Variants in RIMS1 observed in about 807,000 individuals in gnomAD.
RIMS1 encodes regulating synaptic membrane exocytosis 1.
In RIMS1, 83 loss-of-function variants were observed where a neutral mutation model predicts 214.1. That is an observed-to-expected ratio of 0.39 (90% CI 0.32 to 0.47). The LOEUF (loss-of-function observed/expected upper bound fraction) is 0.47, where lower values mean the gene tolerates loss of function less well. Among genes scored for constraint, RIMS1 ranks in the 20% least tolerant of loss-of-function variants. RIMS1 has a pLI of 0.99. For missense variants in RIMS1, 2,050 were observed against 2,161.8 expected (o/e 0.95, Z 1.03); for synonymous variants, 793 against 786.8 (o/e 1.01, Z -0.13).
At chr6:71,913,848 G>A (rs1777605449) in intron 1 of RIMS1, among the ~76,000 whole-genome samples, 2 of 152,016 alleles carry the variant, frequency 1.3e-5, no homozygotes, top group South Asian at 4.1e-4. Context: ...ACACAGCTGG[G>A]GTTAGGGTAA....
At chr6:72,195,017 G>A (rs2050643061) in intron 6 of RIMS1, among the ~76,000 whole-genome samples, 1 of 151,982 alleles carries the variant, frequency 6.6e-6, no homozygotes, top group African/African-American at 2.4e-5. Context: ...ATTGAAAGAA[G>A]GTCTACTGAA....
chr6:72,124,883 C>G (rs2039182178), intron 4 of RIMS1, among the ~76,000 whole-genome samples: 1 of 152,132 alleles, frequency 6.6e-6, no homozygotes, highest in African/African-American at 2.4e-5. Flanking sequence ...TTCATCTAAT[C>G]TTTTTTCAAG....
intron 2 of RIMS1, among the ~76,000 whole-genome samples, chr6:72,083,943 T>C (rs1024279342): frequency 5.9e-5 from 9 of 152,180 alleles, no homozygotes; most frequent in Non-Finnish European, 1.2e-4. Context: ...AAGTGTCCAG[T>C]TGTATAATGT....
At chr6:71,906,396 TCTTA>T (rs1775258795) in intron 1 of RIMS1, among the ~76,000 whole-genome samples, 1 of 152,184 alleles carries the variant, frequency 6.6e-6, no homozygotes, top group Non-Finnish European at 1.5e-5. Context: ...TCCTTGTTAT[TCTTA>T]CTTTGACTCC....
chr6:72,357,567 T>C (rs868397040), intron 29 of RIMS1, among the ~76,000 whole-genome samples: 1 of 152,206 alleles, frequency 6.6e-6, no homozygotes, highest in African/African-American at 2.4e-5. Flanking sequence ...TTTGGCAATT[T>C]TCTTTTCACC....
intron 2 of RIMS1, among the ~76,000 whole-genome samples, chr6:71,993,497 A>G (rs906604762): frequency 7.2e-5 from 11 of 152,166 alleles, no homozygotes; most frequent in African/African-American, 2.7e-4. Flanking sequence ...TTGGCATCTT[A>G]AATTGGCCTA....
intron 28 of RIMS1, among the ~76,000 whole-genome samples, chr6:72,332,582 GC>G (rs1593945991): frequency 2.7e-5 from 4 of 148,200 alleles, no homozygotes; most frequent in African/African-American, 9.9e-5. Context: ...TATACCTAAT[GC>G]TAAATGATGA....
chr6:72,278,214 G>T (rs2087811662), intron 23 of RIMS1, among the ~76,000 whole-genome samples: 1 of 150,946 alleles, frequency 6.6e-6, no homozygotes, highest in Non-Finnish European at 1.5e-5. Flanking sequence ...ATTTTTAAGG[G>T]TACAATTTAG....
intron 2 of RIMS1, among the ~76,000 whole-genome samples, chr6:72,033,140 T>C (rs1406906705): frequency 6.6e-6 from 1 of 152,198 alleles, no homozygotes. Flanking sequence ...GATGTTGCAT[T>C]TTCCAGAATT....
chr6:72,205,214 T>A (rs928119859), intron 6 of RIMS1, among the ~76,000 whole-genome samples: 11 of 152,026 alleles, frequency 7.2e-5, no homozygotes, highest in East Asian at 1.9e-4. Context: ...AGAAAAAAAA[T>A]TATGCATGGA....
chr6:71,968,079 T>C (rs1794912935), intron 1 of RIMS1, among the ~76,000 whole-genome samples: 1 of 152,206 alleles, frequency 6.6e-6, no homozygotes, highest in Non-Finnish European at 1.5e-5. Flanking sequence ...CTAAGGGGCA[T>C]TCTGTTTAGC....
intron 2 of RIMS1, among the ~76,000 whole-genome samples, chr6:72,038,011 T>C (rs1286929061): frequency 6.8e-6 from 1 of 146,938 alleles, no homozygotes; most frequent in Admixed American, 6.9e-5. Flanking sequence ...CTTCAGTTAT[T>C]GATCTAACCT....
At chr6:71,974,800 G>A (rs1172208084) in intron 2 of RIMS1, among the ~76,000 whole-genome samples, 2 of 152,168 alleles carry the variant, frequency 1.3e-5, no homozygotes, top group Non-Finnish European at 2.9e-5. Context: ...ATCTCCAATT[G>A]CAACACTCAG....
chr6:72,104,738 T>C (rs1014732117), intron 4 of RIMS1, among the ~76,000 whole-genome samples: 4 of 152,194 alleles, frequency 2.6e-5, no homozygotes, highest in African/African-American at 9.6e-5. Context: ...TAACAGATGT[T>C]TCTACATTTG....
intron 21 of RIMS1, 125 bp from the exon 22 acceptor site, chr6:72,265,835 T>A: frequency 1.5e-6 from 1 of 668,642 alleles, no homozygotes. Context: ...ATGAACTGAA[T>A]CCCAGTGATT....
intron 29 of RIMS1, among the ~76,000 whole-genome samples, chr6:72,383,293 A>G (rs1381910169): frequency 3.3e-5 from 5 of 152,158 alleles, no homozygotes; most frequent in Non-Finnish European, 7.3e-5. Context: ...CTAGACTATG[A>G]AATGGTTGAT....
rs142196418 is a variant in RIMS1, at chr6:72,097,141, C to T, written c.438C>T (p.Arg146=). ...RTKFCARCGG[R]VSLRSNNEDK... ...AGTTCTGTGCGCGCTGCGGAGGCCG[C>T]GTGTCTCTACGGTCAAACAACGTGA... is the stretch of plus-strand genomic sequence containing the variant. Residue 146 remains arginine (R), a synonymous_variant, in exon 3 of 34, where the codon CGC becomes CGT. Coordinates refer to ENST00000521978, the MANE Select transcript of RIMS1 (RefSeq NM_014989.7). 4.3e-3 allele frequency: 6,943 copies of T among 1,613,808 alleles called. 41 individuals are homozygous for T. The highest frequency in any genetic ancestry group is 0.018 in the Middle Eastern group (107 of 5,972).
At chr6:72,234,614 A>T (rs555975097) in intron 7 of RIMS1, among the ~76,000 whole-genome samples, 1 of 152,138 alleles carries the variant, frequency 6.6e-6, no homozygotes, top group South Asian at 2.1e-4. Flanking sequence ...TCTTCATGTT[A>T]TACATTCTGT....
In RIMS1 at chr6:72,218,725, G is replaced by T. The variant is rs569265311; in HGVS notation, c.1679-15048G>T. 1.3e-4 allele frequency among the ~76,000 whole-genome samples: 20 copies of T among 152,206 alleles called. No homozygotes were observed. The South Asian group carries it at 3.9e-3, about 30-fold the overall frequency. On this transcript the variant is annotated intron_variant, in intron 6 of 33. Transcript: ENST00000521978. Reference sequence around the variant, plus strand: ...ATGAGAGGAAGGCTGAGGCAATGATGGTTCATGTTCCCAGATATATGTACA... The same window carrying T: ...ATGAGAGGAAGGCTGAGGCAATGATTGTTCATGTTCCCAGATATATGTACA...
Sources: allele counts gnomAD v4.1 joint callset (sites outside exome capture counted in the v4.1 genomes callset), GRCh38; gene constraint gnomAD v4.1.1; transcripts MANE v1.5; gene names NCBI Gene and HGNC (gene_info 2026-07-23, HGNC 2026-07-21).